B3GAT2: variants seen among roughly 807,000 people sequenced by gnomAD.
B3GAT2 encodes beta-1,3-glucuronyltransferase 2, also known as galactosylgalactosylxylosylprotein 3-beta-glucuronosyltransferase 2.
Under a neutral mutation model 27.8 loss-of-function variants are expected in B3GAT2, and 26 were observed. That is an observed-to-expected ratio of 0.93 (90% confidence interval 0.68 to 1.30). The LOEUF (loss-of-function observed/expected upper bound fraction) is 1.30. Ranked by LOEUF, B3GAT2 falls within the 50% of genes most tolerant of loss-of-function variation. The pLI is 0.00. For missense variants in B3GAT2, 458 were observed against 459.0 expected (o/e 1.00, Z 0.02); for synonymous variants, 218 against 195.1 (o/e 1.12, Z -0.98).
chr6:70,875,500 A>C (rs1053847955), intron 2 of B3GAT2, among the ~76,000 whole-genome samples: 3 of 152,220 alleles, frequency 2.0e-5, no homozygotes, highest in Non-Finnish European at 4.4e-5. Flanking sequence ...TCATGGCTCT[A>C]AGACTGAATG....
At chr6:70,892,894 G>A (rs1291939840) in intron 2 of B3GAT2, among the ~76,000 whole-genome samples, 1 of 152,166 alleles carries the variant, frequency 6.6e-6, no homozygotes, top group Non-Finnish European at 1.5e-5. Flanking sequence ...CTCTCCTTCT[G>A]CCTCCAGGTG....
In B3GAT2 at chr6:70,861,870, G is replaced by A. The variant is rs1270501119; in HGVS notation, c.845C>T (p.Thr282Ile). The part of the protein sequence containing the change: ...QESDFLKQIT[T>I]VEELEPKANN... ...TGCTTTCGGTTCCAGTTCTTCGACT[G>A]TTGTTATCTGTTTGAGAAAGTCAGA... The change falls in exon 3 of 4, where the codon ACA (threonine) becomes ATA (isoleucine). Residue 282 changes from threonine (T) to isoleucine (I), a missense_variant. Transcript: ENST00000230053. The A allele has an allele frequency of 6.2e-7, 1 of 1,613,870 alleles. No individual in the cohort carries two copies. The highest frequency in any genetic ancestry group is 2.2e-5 in the East Asian group (1 of 44,854).
At chr6:70,901,961 TAATA>T in intron 1 of B3GAT2, among the ~76,000 whole-genome samples, 1 of 152,270 alleles carries the variant, frequency 6.6e-6, no homozygotes, top group South Asian at 2.1e-4. Context: ...CTCAAAACAT[TAATA>T]AATGAAAATG....
At chr6:70,871,811 C>A (rs1771942760) in intron 2 of B3GAT2, among the ~76,000 whole-genome samples, 1 of 151,524 alleles carries the variant, frequency 6.6e-6, no homozygotes, top group African/African-American at 2.4e-5. Flanking sequence ...TGAGATCTTT[C>A]TTCTTTTTAA....
rs760672632 is a variant in B3GAT2, at chr6:70,956,262, C to A, written c.168G>T (p.Arg56Ser). The A allele has an allele frequency of 3.5e-5, 56 of 1,610,542 alleles. No individual in the cohort carries two copies. The highest frequency in any genetic ancestry group is 4.6e-5 in the Non-Finnish European group (54 of 1,178,274). ...GRGGARLPLR[R>S]GGPAHGTQKR... ...TTTGGGTCCCGTGAGCCGGGCCGCC[C>A]CTGCGGAGCGGGAGTCGGGCGCCCC... Residue 56 changes from arginine (R) to serine (S), a missense_variant, in exon 1 of 4, where the codon AGG (arginine) becomes AGT (serine). Transcript: ENST00000230053.
intron 1 of B3GAT2, among the ~76,000 whole-genome samples, chr6:70,902,376 A>G (rs1390072494): frequency 6.6e-6 from 1 of 152,082 alleles, no homozygotes; most frequent in East Asian, 1.9e-4. Context: ...ACCCTTGTAC[A>G]TGGTTGGTAG....
intron 1 of B3GAT2, among the ~76,000 whole-genome samples, chr6:70,954,841 T>TAC (rs1016853253): frequency 3.7e-5 from 5 of 134,372 alleles, no homozygotes; most frequent in South Asian, 2.5e-4. Flanking sequence ...ATTTGCAGGC[T>TAC]ACACACACAC....
rs1241140089 is a variant in B3GAT2, at chr6:70,861,911, C to T, written c.804G>A (p.Gln268=). 3 of 1,613,674 alleles carry T rather than the reference C, an allele frequency of 1.9e-6. No homozygotes were observed. Among genetic ancestry groups the T allele is most frequent in the Non-Finnish European group, 2.5e-6 (3 of 1,179,940 alleles). The change falls in exon 3 of 4, where the codon CAG becomes CAA. Residue 268 remains glutamine, a synonymous_variant. Transcript: ENST00000230053. ...GAAAGTCAGATTCTTGCATCCCTGGCTGGGATCCACGACGCTTAAATACAG... is the reference window on the plus strand; with the variant it reads ...GAAAGTCAGATTCTTGCATCCCTGGTTGGGATCCACGACGCTTAAATACAG... The part of the protein sequence containing the change: ...PKAVFKRRGS[Q]PGMQESDFLK...
intron 1 of B3GAT2, among the ~76,000 whole-genome samples, chr6:70,945,055 C>T (rs902701236): frequency 2.6e-5 from 4 of 152,146 alleles, no homozygotes; most frequent in African/African-American, 9.7e-5. Context: ...AGGACATCTA[C>T]ACCAAAAACC....
intron 1 of B3GAT2, among the ~76,000 whole-genome samples, chr6:70,910,579 T>C (rs779179580): frequency 1.2e-4 from 19 of 152,208 alleles, no homozygotes; most frequent in Non-Finnish European, 2.4e-4. Flanking sequence ...CTACCAGTGA[T>C]GGAAATTTAA....
At chr6:70,866,518 C>T (rs1336254769) in intron 2 of B3GAT2, among the ~76,000 whole-genome samples, 1 of 152,106 alleles carries the variant, frequency 6.6e-6, no homozygotes, top group Non-Finnish European at 1.5e-5. Context: ...GCCCAAGACA[C>T]CTCAGTGATG....
At chr6:70,937,435 C>A (rs1323676430) in intron 1 of B3GAT2, among the ~76,000 whole-genome samples, 1 of 151,922 alleles carries the variant, frequency 6.6e-6, no homozygotes, top group African/African-American at 2.4e-5. Context: ...CAAAGCCGGG[C>A]AGAGACACAG....
At chr6:70,937,209 T>C (rs1474525800) in intron 1 of B3GAT2, among the ~76,000 whole-genome samples, 2 of 151,958 alleles carry the variant, frequency 1.3e-5, no homozygotes, top group African/African-American at 2.4e-5. Flanking sequence ...CAGGAAGAAG[T>C]TGAATCTCTG....
Position 70,857,840 on chromosome 6 carries a change from A to G in B3GAT2, c.*3823T>C, listed in dbSNP as rs1440631719. 9 of 1,499,460 alleles carry G rather than the reference A, an allele frequency of 6.0e-6. No homozygotes were observed. Among genetic ancestry groups the G allele is most frequent in the Middle Eastern group, 2.3e-4 (1 of 4,380 alleles). The allele number at this position is 1,499,460 out of a possible 1,614,324, so 92.9% of individuals were successfully genotyped here. ...AATGTTTGCTGTGAGTAGTTCAGAA[A>G]GGCAATTTTTCTGTGATTATAGAGA... On this transcript the variant is annotated 3_prime_UTR_variant, in exon 4 of 4. Transcript: ENST00000230053.
At chr6:70,934,574 C>A in intron 1 of B3GAT2, among the ~76,000 whole-genome samples, 1 of 152,152 alleles carries the variant, frequency 6.6e-6, no homozygotes. Flanking sequence ...AGGTTTCTAA[C>A]TATTTGCATT....
Position 70,945,337 on chromosome 6 carries a change from C to T in B3GAT2, c.591+10502G>A, listed in dbSNP as rs199800985. On this transcript the variant is annotated intron_variant, in intron 1 of 3. Coordinates refer to ENST00000230053, the MANE Select transcript of B3GAT2 (RefSeq NM_080742.3). Reference sequence around the variant, plus strand: ...TTAAAAACTTTGAAAAAAATTTAGACGAATGTATAACTAGAATAACCAATA... The same window carrying T: ...TTAAAAACTTTGAAAAAAATTTAGATGAATGTATAACTAGAATAACCAATA... 6.5e-4 allele frequency among the ~76,000 whole-genome samples: 99 copies of T among 152,120 alleles called. No individual in the cohort carries two copies. The East Asian group carries it at 0.017, about 26-fold the overall frequency.
At chr6:70,862,108 G>T in intron 2 of B3GAT2, 130 bp from the exon 3 acceptor site, 1 of 790,350 alleles carries the variant, frequency 1.3e-6, no homozygotes, top group Non-Finnish European at 2.0e-6. Flanking sequence ...GGTTTACAAA[G>T]TTGAATAGGA....
chr6:70,891,602 C>T (rs1020846935), intron 2 of B3GAT2, among the ~76,000 whole-genome samples: 22 of 152,150 alleles, frequency 1.4e-4, no homozygotes, highest in African/African-American at 4.8e-4. Context: ...CTCTGAGGGG[C>T]TTCTACTGAA....
chr6:70,917,357 G>T (rs1259228257), intron 1 of B3GAT2, among the ~76,000 whole-genome samples: 2 of 151,776 alleles, frequency 1.3e-5, no homozygotes, highest in African/African-American at 4.8e-5. Context: ...CAGCTCCTGG[G>T]TTCATTGATT....
Sources: gnomAD v4.1 joint callset for allele counts (sites outside exome capture counted in the v4.1 genomes callset) on GRCh38, gnomAD v4.1.1 for gene constraint, MANE v1.5 for transcripts, NCBI Gene and HGNC (gene_info 2026-07-23, HGNC 2026-07-21) for gene names.